RBFOX1: variants seen among roughly 807,000 people sequenced by gnomAD.
The protein encoded by RBFOX1 is RNA binding fox-1 homolog 1.
RBFOX1 carries 8 observed loss-of-function variants against 57.7 expected under a neutral mutation model. The ratio of observed to expected loss-of-function variants is 0.14; its 90% CI spans 0.08 to 0.25. The LOEUF is 0.25. Ranked by LOEUF, RBFOX1 falls within the 10% of genes least tolerant of loss-of-function variation. RBFOX1 has a pLI of 1.00. For missense variants in RBFOX1, 611 were observed against 548.5 expected (o/e 1.11, Z -1.14); for synonymous variants, 326 against 222.4 (o/e 1.47, Z -4.15).
At chr16:5,769,559 A>T (rs2053907002) in intron 3 of RBFOX1, among the ~76,000 whole-genome samples, 2 of 151,966 alleles carry the variant, frequency 1.3e-5, no homozygotes, top group South Asian at 4.2e-4. Context: ...AGGCTGAGGC[A>T]AGAGAATTGC....
chr16:7,012,641 A>G (rs940872632), intron 3 of RBFOX1, among the ~76,000 whole-genome samples: 2 of 152,220 alleles, frequency 1.3e-5, no homozygotes, highest in African/African-American at 4.8e-5. Context: ...ATGAGATCCA[A>G]CAGACCTTTC....
chr16:6,779,989 TTATATATTTA>T lies in RBFOX1; in HGVS notation c.-16+125365_-16+125374del, dbSNP rs1567211048. Among the ~76,000 whole-genome samples the T allele has an allele frequency of 2.0e-3, 31 of 15,482 alleles. 6 individuals are homozygous for T. Among genetic ancestry groups the T allele is most frequent in the Non-Finnish European group, 2.4e-3 (25 of 10,210 alleles). The allele number at this position is 15,482 out of a possible 152,430, so 10.2% of individuals were successfully genotyped here. ...TATATATATTTATATATTTATATAT[TTATATATTTA>T]TATATATTTATATATATTTATATAT... On this transcript the variant is annotated intron_variant, in intron 3 of 15. Transcript: ENST00000550418.
At chr16:6,714,458 C>T (rs545992758) in intron 3 of RBFOX1, among the ~76,000 whole-genome samples, 30 of 152,208 alleles carry the variant, frequency 2.0e-4, no homozygotes, top group Middle Eastern at 3.4e-3. Flanking sequence ...TATCCCACTA[C>T]GGGATCCTTG....
intron 4 of RBFOX1, among the ~76,000 whole-genome samples, chr16:7,142,653 G>C (rs1425312731): frequency 6.6e-6 from 1 of 152,146 alleles, no homozygotes; most frequent in Admixed American, 6.5e-5. Context: ...ATTGATAACA[G>C]TTTAATCAGT....
At position 6,661,957 on chromosome 16, in the gene RBFOX1, C is replaced by G. The variant is rs143314647; in HGVS notation, c.-16+7307C>G. 2.2e-4 allele frequency among the ~76,000 whole-genome samples: 34 copies of G among 152,022 alleles called. 1 individual carries two copies. Among genetic ancestry groups the G allele is most frequent in the African/African-American group, 8.0e-4 (33 of 41,422 alleles). On this transcript the variant is annotated intron_variant, in intron 3 of 15. Transcript: ENST00000550418. ...ATGGAATATTATTTAGCCATTGAAA[C>G]GAAGGGAAATCCTGCCATGTGCAAC...
chr16:7,248,106 G>C (rs2094376206), intron 4 of RBFOX1, among the ~76,000 whole-genome samples: 1 of 152,214 alleles, frequency 6.6e-6, no homozygotes, highest in Non-Finnish European at 1.5e-5. Flanking sequence ...ATTTTAGGAA[G>C]AACTGTGAAT....
At chr16:6,672,785 T>C (rs2098774993) in intron 3 of RBFOX1, among the ~76,000 whole-genome samples, 1 of 152,164 alleles carries the variant, frequency 6.6e-6, no homozygotes, top group South Asian at 2.1e-4. Context: ...TTCACAGTTC[T>C]GGTAGAAAGA....
rs74005143 is a variant in RBFOX1 at position 6,128,003 on chromosome 16, G to T, written c.-127+108011G>T. On this transcript the variant is annotated intron_variant, in intron 1 of 15. Coordinates refer to ENST00000550418, the MANE Select transcript of RBFOX1 (RefSeq NM_018723.4). ...TCTAGTGTTTCTCAAATTTTAATGT[G>T]CTTAAAGATATCTGGAGCTGTGCTG... is the stretch of plus-strand genomic sequence containing the variant. Among the ~76,000 whole-genome samples the T allele has an allele frequency of 1.5e-3, 230 of 152,208 alleles. 1 individual carries two copies. The highest frequency in any genetic ancestry group is 3.7e-3 in the African/African-American group (152 of 41,534).
chr16:7,645,734 CTGTT>C (rs891196908), intron 11 of RBFOX1, among the ~76,000 whole-genome samples: 1 of 152,138 alleles, frequency 6.6e-6, no homozygotes, highest in African/African-American at 2.4e-5. Flanking sequence ...CTAGAAGAAA[CTGTT>C]TGTCCAAAAT....
At chr16:5,401,653 T>G (rs2066716036) in intron 1 of RBFOX1, among the ~76,000 whole-genome samples, 1 of 152,204 alleles carries the variant, frequency 6.6e-6, no homozygotes, top group Admixed American at 6.5e-5. Flanking sequence ...TTTGACATTT[T>G]TACATATTTA....
At chr16:7,174,144 C>G (rs945568308) in intron 4 of RBFOX1, among the ~76,000 whole-genome samples, 2 of 151,914 alleles carry the variant, frequency 1.3e-5, no homozygotes, top group Admixed American at 6.5e-5. Flanking sequence ...TGATCTGCAT[C>G]TGGATTATTT....
At chr16:5,982,310 G>C (rs1345819768) in intron 4 of RBFOX1, among the ~76,000 whole-genome samples, 2 of 151,596 alleles carry the variant, frequency 1.3e-5, no homozygotes, top group Non-Finnish European at 2.9e-5. Context: ...GTCTCGCTCT[G>C]TTGCACAGGC....
chr16:7,327,734 C>T (rs73561889), intron 4 of RBFOX1, among the ~76,000 whole-genome samples: 1 of 152,066 alleles, frequency 6.6e-6, no homozygotes, highest in Non-Finnish European at 1.5e-5. Flanking sequence ...TGTGGCTCAA[C>T]ATGCCTAGAT....
intron 4 of RBFOX1, chr16:7,304,530 GC>G (rs1446525073): frequency 1.0e-6 from 1 of 985,162 alleles, no homozygotes; most frequent in Non-Finnish European, 1.2e-6. Flanking sequence ...CTGGGGCTGG[GC>G]CAGATGGGTC....
rs563832447 is a variant in RBFOX1, at chr16:5,745,212, G to A, written c.319-122091G>A. 3.9e-5 allele frequency among the ~76,000 whole-genome samples: 6 copies of A among 152,184 alleles called. No homozygotes were observed. The South Asian group carries it at 1.0e-3, about 26-fold the overall frequency. ...CAGTGTTTGGTTTTTTGTCCTTTGC[G>A]ATAGTTTGCTGAGAATGATGGTTTC... is the stretch of plus-strand genomic sequence containing the variant. On this transcript the variant is annotated intron_variant, in intron 3 of 19. Transcript: ENST00000641259.
chr16:6,140,805 C>T (rs1312686955), intron 1 of RBFOX1, among the ~76,000 whole-genome samples: 1 of 152,202 alleles, frequency 6.6e-6, no homozygotes, highest in Admixed American at 6.5e-5. Context: ...AGCTGTGTTT[C>T]CTTCTCACTT....
chr16:6,093,471 C>G (rs538762677), intron 1 of RBFOX1, among the ~76,000 whole-genome samples: 1 of 152,106 alleles, frequency 6.6e-6, no homozygotes, highest in South Asian at 2.1e-4. Context: ...TGGAAGGATA[C>G]TCAATATACT....
intron 1 of RBFOX1, among the ~76,000 whole-genome samples, chr16:6,238,948 T>A (rs1011499793): frequency 3.9e-5 from 6 of 152,344 alleles, no homozygotes; most frequent in African/African-American, 1.4e-4. Flanking sequence ...TTAACTTATT[T>A]TTGACCATAG....
At chr16:7,598,930 T>C (rs1223662132) in intron 9 of RBFOX1, among the ~76,000 whole-genome samples, 1 of 152,242 alleles carries the variant, frequency 6.6e-6, no homozygotes, top group Non-Finnish European at 1.5e-5. Flanking sequence ...TTGATTTTCC[T>C]GTTTCTTTTG....
Sources: gnomAD v4.1 joint callset for allele counts (sites outside exome capture counted in the v4.1 genomes callset) on GRCh38, gnomAD v4.1.1 for gene constraint, MANE v1.5 for transcripts, NCBI Gene and HGNC (gene_info 2026-07-23, HGNC 2026-07-21) for gene names.